Variants in NALCN observed in about 807,000 individuals in gnomAD.
The protein encoded by NALCN is sodium leak channel NALCN.
In NALCN, 111 loss-of-function variants were observed where a neutral mutation model predicts 225.3. That is an observed-to-expected ratio of 0.49 (90% CI 0.42 to 0.58). The LOEUF is 0.58. Ranked by LOEUF, NALCN falls within the 20% of genes least tolerant of loss-of-function variation. The probability of loss-of-function intolerance (pLI) is 0.00; values close to 1 mark genes in which losing one functional copy is unlikely to be tolerated. For missense variants in NALCN, 1,378 were observed against 2,202.4 expected (o/e 0.63, Z 7.49); for synonymous variants, 764 against 769.0 (o/e 0.99, Z 0.11).
intron 7 of NALCN, among the ~76,000 whole-genome samples, chr13:101,306,219 C>A (rs1304922239): frequency 6.6e-6 from 1 of 152,096 alleles, no homozygotes; most frequent in Non-Finnish European, 1.5e-5. Flanking sequence ...TGCCCCAGGC[C>A]CTCATTGCCA....
At chr13:101,367,504 T>G (rs970949449) in intron 6 of NALCN, among the ~76,000 whole-genome samples, 5 of 152,154 alleles carry the variant, frequency 3.3e-5, no homozygotes, top group African/African-American at 1.2e-4. Flanking sequence ...ACCTATTTTT[T>G]TCTTCCTCTT....
At chr13:101,167,493 G>A (rs1318481210) in intron 15 of NALCN, among the ~76,000 whole-genome samples, 1 of 152,108 alleles carries the variant, frequency 6.6e-6, no homozygotes, top group Non-Finnish European at 1.5e-5. Flanking sequence ...TCCATCATAA[G>A]TTGAGGAGCA....
At chr13:101,165,455 C>T (rs1245056178) in intron 15 of NALCN, among the ~76,000 whole-genome samples, 2 of 152,094 alleles carry the variant, frequency 1.3e-5, no homozygotes, top group African/African-American at 4.8e-5. Flanking sequence ...TAAATTTTGC[C>T]ATCTTGATCA....
At chr13:101,232,352 G>A (rs2041381097) in intron 12 of NALCN, among the ~76,000 whole-genome samples, 2 of 151,812 alleles carry the variant, frequency 1.3e-5, no homozygotes. Context: ...ATGCTAATTT[G>A]CAATTTTTAA....
At position 101,180,604 on chromosome 13, in the gene NALCN, C is replaced by T. The variant is rs148742781; in HGVS notation, c.1765-4230G>A. On this transcript the variant is annotated intron_variant, in intron 14 of 43. Transcript: ENST00000251127. Reference sequence around the variant, plus strand: ...GGGCTGTCATTCCACTTGGAACTAACGGAGACTTGTTCTTGTGGGATATTC... The same window carrying T: ...GGGCTGTCATTCCACTTGGAACTAATGGAGACTTGTTCTTGTGGGATATTC... 5.4e-3 allele frequency: 911 copies of T among 168,026 alleles called. 1 individual carries two copies. The highest frequency in any genetic ancestry group is 9.1e-3 in the South Asian group (60 of 6,618). The allele number at this position is 168,026 out of a possible 1,614,324, so 10.4% of individuals were successfully genotyped here. A position where few individuals can be genotyped will look rare whatever the true frequency, so the allele number is the denominator to read the frequency against.
At chr13:101,197,085 T>G (rs1467318057) in intron 13 of NALCN, among the ~76,000 whole-genome samples, 1 of 152,178 alleles carries the variant, frequency 6.6e-6, no homozygotes. Flanking sequence ...GTGGATTATT[T>G]TGCCTCTGGA....
rs141586709 is a variant in NALCN at position 101,120,452 on chromosome 13, C to G, written c.2192+4156G>C. ...TCACTCAACTGGTCAAGCTAGTCAC[C>G]TACAAATAGTTGGTATTCATTAGGA... is the stretch of plus-strand genomic sequence containing the variant. On this transcript the variant is annotated intron_variant, in intron 18 of 43. Coordinates refer to ENST00000251127, the MANE Select transcript of NALCN (RefSeq NM_052867.4). 1.7e-3 allele frequency among the ~76,000 whole-genome samples: 262 copies of G among 151,736 alleles called. 1 individual carries two copies. The highest frequency in any genetic ancestry group is 6.1e-3 in the African/African-American group (252 of 41,386).
intron 7 of NALCN, among the ~76,000 whole-genome samples, chr13:101,313,506 G>A (rs1305140078): frequency 2.0e-5 from 3 of 152,018 alleles, no homozygotes; most frequent in African/African-American, 7.3e-5. Flanking sequence ...TCAAAAAGTG[G>A]GTGAAGGATA....
intron 39 of NALCN, among the ~76,000 whole-genome samples, chr13:101,067,152 A>G (rs571063411): frequency 2.1e-4 from 32 of 150,042 alleles, no homozygotes; most frequent in African/African-American, 7.3e-4. Flanking sequence ...GGAAGAGAGA[A>G]GAGGAGAGGG....
At chr13:101,324,262 G>A (rs1447758292) in intron 7 of NALCN, among the ~76,000 whole-genome samples, 1 of 152,112 alleles carries the variant, frequency 6.6e-6, no homozygotes, top group East Asian at 1.9e-4. Flanking sequence ...TGTGCAACAA[G>A]TATTTAACAC....
At position 101,292,337 on chromosome 13, in the gene NALCN, C is replaced by A. The variant is rs759934018; in HGVS notation, c.829G>T (p.Ala277Ser). ...AGGAACACCCAGCCTTCCTGTGAGG[C>A]GGCCTCATAGACGGTGAATATACTA... ...GTSIFTVYEA[A>S]SQEGWVFLMY... The change falls in exon 8 of 44, where the codon GCC becomes TCC. Residue 277 changes from alanine to serine, a missense_variant. This residue lies in a region of NALCN where 67 missense variants were observed against 82.1 expected (regional missense o/e 0.82). Coordinates refer to ENST00000251127, the MANE Select transcript of NALCN (RefSeq NM_052867.4). The surrounding 1 kb of genome is among the most constrained non-coding windows in gnomAD (Gnocchi z 4.3). The A allele has an allele frequency of 1.5e-5, 25 of 1,614,042 alleles. No individual in the cohort carries two copies. The highest frequency in any genetic ancestry group is 1.2e-4 in the Admixed American group (7 of 59,968).
At chr13:101,227,680 A>G (rs2041198600) in intron 13 of NALCN, among the ~76,000 whole-genome samples, 2 of 152,112 alleles carry the variant, frequency 1.3e-5, no homozygotes, top group Admixed American at 6.6e-5. Flanking sequence ...ATGAAACCCC[A>G]TGTCTCATCT....
At chr13:101,091,238 G>A (rs1024898109) in intron 28 of NALCN, among the ~76,000 whole-genome samples, 5 of 152,132 alleles carry the variant, frequency 3.3e-5, no homozygotes, top group Admixed American at 3.3e-4. Context: ...ACTGACTAGA[G>A]TAGGCCCCTT....
At chr13:101,151,569 A>G (rs184478345) in intron 15 of NALCN, among the ~76,000 whole-genome samples, 228 of 152,354 alleles carry the variant, frequency 1.5e-3, no homozygotes, top group Non-Finnish European at 1.2e-3. Flanking sequence ...ATTATCTTCA[A>G]TCAGAAGAAA....
Position 101,334,095 on chromosome 13 carries a change from T to G in NALCN, c.799+11171A>C, listed in dbSNP as rs143951901. On this transcript the variant is annotated intron_variant, in intron 7 of 43. Transcript: ENST00000251127. Reference sequence around the variant, plus strand: ...GAGCGAGAAAAGACATCAAAAGAAGTGCCTGAGGCTCTGCTCCCACCTGAG... The same window carrying G: ...GAGCGAGAAAAGACATCAAAAGAAGGGCCTGAGGCTCTGCTCCCACCTGAG... 5.5e-3 allele frequency among the ~76,000 whole-genome samples: 832 copies of G among 152,216 alleles called. 3 individuals are homozygous for G. The highest frequency in any genetic ancestry group is 8.2e-3 in the Non-Finnish European group (561 of 68,020).
At chr13:101,188,333 C>T (rs595775) in intron 14 of NALCN, among the ~76,000 whole-genome samples, 73,112 of 151,706 alleles carry the variant, frequency 0.48, 18,717 homozygotes, top group African/African-American at 0.66. Flanking sequence ...AAATTGCTGC[C>T]ACAAATAATT....
chr13:101,301,011 T>C (rs935584173), intron 7 of NALCN, among the ~76,000 whole-genome samples: 1 of 152,248 alleles, frequency 6.6e-6, no homozygotes, highest in African/African-American at 2.4e-5. Context: ...TACATATATC[T>C]TCTAAGTTAA....
At position 101,247,217 on chromosome 13, in the gene NALCN, GC is replaced by G. The variant is rs551824882; in HGVS notation, c.1267-9296del. On this transcript the variant is annotated intron_variant, in intron 11 of 43. Coordinates refer to ENST00000251127, the MANE Select transcript of NALCN (RefSeq NM_052867.4). ...AAAGGACAGAGACCAACTACCCAAG[GC>G]TAAGACCTTATAGGCAGCTGCAGGC... Among the ~76,000 whole-genome samples, 853 of 152,312 alleles carry G rather than the reference GC, an allele frequency of 5.6e-3. 5 individuals carry two copies. The highest frequency in any genetic ancestry group is 9.1e-3 in the Admixed American group (139 of 15,292).
At position 101,089,470 on chromosome 13, in the gene NALCN, G is replaced by A. The variant is rs1298989605; in HGVS notation, c.3489+193C>T. The stretch of plus-strand genomic sequence containing the variant: ...GTTACCAAAAGGGTAAATTTAGCAA[G>A]AGAACTGTACTCTTAAATAATGTGT... On this transcript the variant is annotated intron_variant, in intron 30 of 43. Transcript: ENST00000251127. The surrounding 1 kb of genome is among the most constrained non-coding windows in gnomAD (Gnocchi z 4.7). Among the ~76,000 whole-genome samples, 1 of 152,208 alleles carries A rather than the reference G, an allele frequency of 6.6e-6. No homozygotes were observed. The highest frequency in any genetic ancestry group is 1.5e-5 in the Non-Finnish European group (1 of 68,022).
Sources: gnomAD v4.1 joint callset for allele counts (sites outside exome capture counted in the v4.1 genomes callset) on GRCh38, gnomAD v4.1.1 for gene constraint, gnomAD v4.1.1 regional missense constraint, Gnocchi (gnomAD v3.1) non-coding constraint, MANE v1.5 for transcripts, NCBI Gene and HGNC (gene_info 2026-07-23, HGNC 2026-07-21) for gene names.